The following DENND1B variants were observed in gnomAD, a reference collection of about 807,000 sequenced individuals.
DENND1B encodes DENN domain containing 1B, also known as DENN domain-containing protein 1B.
DENND1B carries 59 observed loss-of-function variants against 90.1 expected under a neutral mutation model. That is an observed-to-expected ratio of 0.65 (90% CI 0.53 to 0.81). The LOEUF (loss-of-function observed/expected upper bound fraction) is 0.81. DENND1B is among the 40% of genes least tolerant of loss of function. DENND1B has a pLI of 0.00. For synonymous variants in DENND1B, 337 were observed against 324.6 expected (o/e 1.04, Z -0.41); for missense variants, 862 against 912.6 (o/e 0.94, Z 0.71).
chr1:197,685,950 T>G (rs1657189864), intron 3 of DENND1B, among the ~76,000 whole-genome samples: 1 of 152,176 alleles, frequency 6.6e-6, no homozygotes, highest in East Asian at 1.9e-4. Flanking sequence ...AAGATGCCAA[T>G]TTTGTTCTTA....
At chr1:197,780,406 A>C (rs1571720337), upstream of DENND1B, among the ~76,000 whole-genome samples, 1 of 150,782 alleles carries the variant, frequency 6.6e-6, no homozygotes, top group Admixed American at 6.6e-5. Flanking sequence ...GCTCACTGCA[A>C]CCTCCACCTC....
At chr1:197,554,308 T>C (rs1018619167) in intron 15 of DENND1B, among the ~76,000 whole-genome samples, 3 of 152,078 alleles carry the variant, frequency 2.0e-5, no homozygotes, top group East Asian at 1.9e-4. Flanking sequence ...ACATGCTTTT[T>C]GCAAGGAGGA....
chr1:197,558,994 T>A (rs1045947160), intron 15 of DENND1B, among the ~76,000 whole-genome samples: 3 of 152,082 alleles, frequency 2.0e-5, no homozygotes, highest in South Asian at 2.1e-4. Context: ...ATAAAGAATA[T>A]GTTTTGATCA....
At chr1:197,513,515 C>T (rs1668182239) in intron 20 of DENND1B, among the ~76,000 whole-genome samples, 1 of 15,882 alleles carries the variant, frequency 6.3e-5, no homozygotes, top group Non-Finnish European at 4.9e-4. Context: ...GTCAATACTG[C>T]TGAATCTGGG....
intron 6 of DENND1B, among the ~76,000 whole-genome samples, chr1:197,657,028 C>T (rs1255037402): frequency 1.3e-5 from 2 of 151,756 alleles, no homozygotes; most frequent in Admixed American, 1.3e-4. Flanking sequence ...GATATGACAC[C>T]AAAAGCACAG....
At chr1:197,697,749 A>T (rs1658589490) in intron 3 of DENND1B, among the ~76,000 whole-genome samples, 1 of 152,208 alleles carries the variant, frequency 6.6e-6, no homozygotes, top group African/African-American at 2.4e-5. Flanking sequence ...TGGAAAGAAA[A>T]AAAAGCAGGG....
chr1:197,657,411 G>T (rs1193523628), intron 6 of DENND1B, among the ~76,000 whole-genome samples: 2 of 152,070 alleles, frequency 1.3e-5, no homozygotes, highest in African/African-American at 4.8e-5. Flanking sequence ...ATTTATCCCA[G>T]GTTGTAATTT....
At chr1:197,636,532 CT>C (rs1679811428) in intron 10 of DENND1B, among the ~76,000 whole-genome samples, 1 of 152,136 alleles carries the variant, frequency 6.6e-6, no homozygotes, top group African/African-American at 2.4e-5. Context: ...CTTACTCCCT[CT>C]CAATTTCAAA....
In DENND1B at chr1:197,509,252, C is replaced by G. The variant is rs1328423974; in HGVS notation, c.*1208G>C. The G allele has an allele frequency of 2.0e-5, 3 of 151,918 alleles. No homozygotes were observed. In the South Asian group the frequency reaches 6.2e-4, roughly 32 times the overall value. 9.4% of individuals were successfully genotyped at this position (151,918 alleles called of 1,614,324 possible). A position where few individuals can be genotyped will look rare whatever the true frequency, so the allele number is the denominator to read the frequency against. On this transcript the variant is annotated 3_prime_UTR_variant, in exon 23 of 23. Transcript: ENST00000620048. The stretch of plus-strand genomic sequence containing the variant: ...ATGCTACAATTTATCTGACAGTACT[C>G]TTCAAAGCTGTCAATGTCATCAAAA...
In DENND1B at chr1:197,511,697, T is replaced by C. The variant is rs144247157; in HGVS notation, c.1815+31A>G. On this transcript the variant is annotated intron_variant, in intron 22 of 22. Coordinates refer to ENST00000620048, the MANE Select transcript of DENND1B (RefSeq NM_001195215.2). ...CAGCCAAGGCAAGAATATTTTCTTCTAATTTTATAAGTAAAAAAAAATCTA... is the reference window on the plus strand; with the variant it reads ...CAGCCAAGGCAAGAATATTTTCTTCCAATTTTATAAGTAAAAAAAAATCTA... 518 of 1,528,794 alleles carry C rather than the reference T, an allele frequency of 3.4e-4. 2 individuals carry two copies. In the African/African-American group the frequency reaches 4.2e-3, roughly 12 times the overall value. The allele number at this position is 1,528,794 out of a possible 1,614,324, so 94.7% of individuals were successfully genotyped here. A position where few individuals can be genotyped will look rare whatever the true frequency, so the allele number is the denominator to read the frequency against.
intron 10 of DENND1B, among the ~76,000 whole-genome samples, chr1:197,638,643 A>G (rs1261304656): frequency 1.3e-5 from 2 of 152,186 alleles, no homozygotes; most frequent in African/African-American, 4.8e-5. Context: ...CAAAACAGCA[A>G]TAAGTCAACT....
At position 197,590,327 on chromosome 1, in the gene DENND1B, A is replaced by G. The variant is rs143282367; in HGVS notation, c.1047+4881T>C. 2.9e-3 allele frequency among the ~76,000 whole-genome samples: 446 copies of G among 152,266 alleles called. 2 individuals are homozygous for G. The highest frequency in any genetic ancestry group is 4.4e-3 in the Non-Finnish European group (297 of 67,974). ...CTAGTTGGTCACCGAATGAGGATGA[A>G]TCCAGGCAGTATGGTTACAGAGTCT... On this transcript the variant is annotated intron_variant, in intron 14 of 22. Coordinates refer to ENST00000620048, the MANE Select transcript of DENND1B (RefSeq NM_001195215.2).
At chr1:197,771,309 T>G (rs753393981) in intron 2 of DENND1B, among the ~76,000 whole-genome samples, 1 of 152,216 alleles carries the variant, frequency 6.6e-6, no homozygotes, top group Admixed American at 6.5e-5. Context: ...CACTATAGAA[T>G]AGAATTAAAT....
chr1:197,646,321 G>A (rs1680729560), intron 8 of DENND1B, among the ~76,000 whole-genome samples: 2 of 151,750 alleles, frequency 1.3e-5, no homozygotes, highest in African/African-American at 4.8e-5. Flanking sequence ...TCTTAAACAC[G>A]TAGTAATCCC....
At chr1:197,578,085 CA>C (rs1673851412) in intron 15 of DENND1B, among the ~76,000 whole-genome samples, 2 of 151,918 alleles carry the variant, frequency 1.3e-5, no homozygotes, top group African/African-American at 4.8e-5. Flanking sequence ...AAGGAGTGTC[CA>C]GGGGAGGGGA....
chr1:197,579,897 T>C (rs1003080007), intron 15 of DENND1B, among the ~76,000 whole-genome samples: 12 of 152,100 alleles, frequency 7.9e-5, no homozygotes, highest in Non-Finnish European at 1.8e-4. Context: ...CTTTGAAGTT[T>C]TTCTTCTCTG....
At chr1:197,707,565 T>C (rs1659680138) in intron 3 of DENND1B, among the ~76,000 whole-genome samples, 1 of 147,984 alleles carries the variant, frequency 6.8e-6, no homozygotes, top group African/African-American at 2.5e-5. Context: ...CATATATATG[T>C]GTAATTATAT....
At chr1:197,735,875 G>T in intron 2 of DENND1B, 3 of 1,553,506 alleles carry the variant, frequency 1.9e-6, no homozygotes, top group South Asian at 1.1e-5. Flanking sequence ...AATTGCAGGG[G>T]GCTATTACAG....
intron 18 of DENND1B, among the ~76,000 whole-genome samples, chr1:197,544,804 A>AGAAGAGGGAGAGGAG: frequency 7.8e-6 from 1 of 128,366 alleles, no homozygotes; most frequent in East Asian, 2.1e-4. Flanking sequence ...AGGAGGAAGA[A>AGAAGAGGGAGAGGAG]GAAGAAGAGG....
Sources: gnomAD v4.1 joint callset for allele counts (sites outside exome capture counted in the v4.1 genomes callset) on GRCh38, gnomAD v4.1.1 for gene constraint, MANE v1.5 for transcripts, NCBI Gene and HGNC (gene_info 2026-07-23, HGNC 2026-07-21) for gene names.